The following SEMA6D variants were observed in gnomAD, a reference collection of about 807,000 sequenced individuals.
SEMA6D encodes semaphorin-6D.
A neutral mutation model predicts 106.6 loss-of-function variants in SEMA6D; 35 were observed. The ratio of observed to expected loss-of-function variants is 0.33; its 90% CI spans 0.25 to 0.44. The LOEUF is 0.44. Among genes scored for constraint, SEMA6D ranks in the 20% least tolerant of loss-of-function variants. The pLI is 1.00. For synonymous variants in SEMA6D, 499 were observed against 487.7 expected, an observed-to-expected ratio of 1.02 and a Z score of -0.31; for missense variants, 1,185 against 1,345.9, an observed-to-expected ratio of 0.88 and a Z score of 1.87.
At chr15:47,288,067 G>A (rs889924240) in intron 1 of SEMA6D, among the ~76,000 whole-genome samples, 1 of 152,196 alleles carries the variant, frequency 6.6e-6, no homozygotes, top group African/African-American at 2.4e-5. Flanking sequence ...TGAAGTCAGA[G>A]GGAGAGTTCA....
At chr15:47,512,524 C>T (rs928549925) in intron 3 of SEMA6D, among the ~76,000 whole-genome samples, 3 of 152,162 alleles carry the variant, frequency 2.0e-5, no homozygotes, top group Non-Finnish European at 1.5e-5. Context: ...GACATGTAGA[C>T]AGGCAGCATC....
At chr15:47,348,094 T>C (rs996959150) in intron 1 of SEMA6D, among the ~76,000 whole-genome samples, 4 of 152,238 alleles carry the variant, frequency 2.6e-5, no homozygotes, top group Non-Finnish European at 5.9e-5. Flanking sequence ...TCCTAAGTGA[T>C]ACACCTAACA....
chr15:47,349,405 C>G (rs474356), intron 1 of SEMA6D, among the ~76,000 whole-genome samples: 71,046 of 152,050 alleles, frequency 0.47, 19,713 homozygotes, highest in South Asian at 0.61. Flanking sequence ...GTTGGTGCAT[C>G]TGGTTAAGCC....
chr15:47,264,704 G>A (rs1821245182), intron 1 of SEMA6D, among the ~76,000 whole-genome samples: 1 of 151,950 alleles, frequency 6.6e-6, no homozygotes, highest in Admixed American at 6.6e-5. Context: ...AAAGCATCTA[G>A]TCTTTCACCA....
At position 47,658,568 on chromosome 15, in the gene SEMA6D, AACGAT is replaced by A. The variant is rs370961159; in HGVS notation, c.-55+57675_-55+57679del. Among the ~76,000 whole-genome samples the A allele has an allele frequency of 9.8e-5, 15 of 152,300 alleles. No individual in the cohort carries two copies. In the East Asian group the frequency reaches 2.1e-3, roughly 22 times the overall value. On this transcript the variant is annotated intron_variant, in intron 4 of 19. Transcript: ENST00000558014. ...TTGAATTTTAGCAACAATATTCATA[AACGAT>A]ACTGGACAAAGGTACTTGTGTCCAA...
At chr15:47,255,523 T>G (rs1448081561) in intron 1 of SEMA6D, among the ~76,000 whole-genome samples, 1 of 152,104 alleles carries the variant, frequency 6.6e-6, no homozygotes, top group African/African-American at 2.4e-5. Flanking sequence ...GACGTAACAT[T>G]AGGTTATTAG....
At chr15:47,625,898 C>T (rs1463334037) in intron 4 of SEMA6D, among the ~76,000 whole-genome samples, 1 of 152,042 alleles carries the variant, frequency 6.6e-6, no homozygotes, top group African/African-American at 2.4e-5. Context: ...CCAATACGAT[C>T]ACTTTCATAA....
chr15:47,314,231 T>G (rs1277677157), intron 1 of SEMA6D, among the ~76,000 whole-genome samples: 5 of 152,188 alleles, frequency 3.3e-5, no homozygotes, highest in Non-Finnish European at 5.9e-5. Context: ...GCTATATGTC[T>G]TCTTTGGTGA....
rs2082702228 is a variant in SEMA6D, at chr15:47,773,119, G to C, written c.*1334G>C. On this transcript the variant is annotated 3_prime_UTR_variant, in exon 19 of 19. Coordinates refer to ENST00000536845, the MANE Select transcript of SEMA6D (RefSeq NM_001358351.3). ...TGATAGAAGTACTAAAATCTGTCAA[G>C]TGTTTTCAGTATAGCACATTATTTA... is the stretch of plus-strand genomic sequence containing the variant. The C allele has an allele frequency of 6.6e-6, 1 of 152,562 alleles. No homozygotes were observed. Among genetic ancestry groups the C allele is most frequent in the Non-Finnish European group, 1.5e-5 (1 of 68,028 alleles). 9.5% of individuals were successfully genotyped at this position (152,562 alleles called of 1,614,324 possible). A position where few individuals can be genotyped will look rare whatever the true frequency, so the allele number is the denominator to read the frequency against.
intron 1 of SEMA6D, among the ~76,000 whole-genome samples, chr15:47,292,826 C>A (rs2035647387): frequency 6.6e-6 from 1 of 152,096 alleles, no homozygotes; most frequent in Non-Finnish European, 1.5e-5. Flanking sequence ...TTGTTTTGAT[C>A]ACTTTTTCAT....
chr15:47,243,364 G>A (rs972219836), intron 1 of SEMA6D, among the ~76,000 whole-genome samples: 8 of 151,344 alleles, frequency 5.3e-5, no homozygotes, highest in African/African-American at 1.5e-4. Context: ...CAGATTTTAA[G>A]AGCCCAGGAG....
Position 47,766,610 on chromosome 15 carries a change from C to T in SEMA6D, c.1647-6C>T. 1 of 1,612,124 alleles carries T rather than the reference C, an allele frequency of 6.2e-7. No homozygotes were observed. The highest frequency in any genetic ancestry group is 8.5e-7 in the Non-Finnish European group (1 of 1,178,816). ...CCGAAGACTTCTTTGCTTTCCATAA[C>T]CACAGTGCTGAAGGATATGAACAAG... On this transcript the variant is annotated splice_polypyrimidine_tract_variant and splice_region_variant and intron_variant, in intron 15 of 18. Transcript: ENST00000536845.
chr15:47,692,798 G>C (rs997036157), intron 4 of SEMA6D, among the ~76,000 whole-genome samples: 4 of 152,142 alleles, frequency 2.6e-5, no homozygotes, highest in African/African-American at 9.7e-5. Flanking sequence ...TCTCATTCTA[G>C]TATCTAGCAG....
chr15:47,342,189 C>CT (rs561107327), intron 1 of SEMA6D, among the ~76,000 whole-genome samples: 1 of 152,114 alleles, frequency 6.6e-6, no homozygotes, highest in Non-Finnish European at 1.5e-5. Context: ...CAACTAATCT[C>CT]TAACTAGTCT....
At chr15:47,689,824 A>G (rs1029632141) in intron 4 of SEMA6D, among the ~76,000 whole-genome samples, 3 of 152,198 alleles carry the variant, frequency 2.0e-5, no homozygotes, top group Non-Finnish European at 4.4e-5. Flanking sequence ...ACTGACTTCC[A>G]TGACAGTCTG....
At chr15:47,453,367 A>G (rs962282390) in intron 2 of SEMA6D, among the ~76,000 whole-genome samples, 4 of 152,048 alleles carry the variant, frequency 2.6e-5, no homozygotes, top group Non-Finnish European at 5.9e-5. Context: ...ATATGAAAAA[A>G]GTAAATCAAC....
chr15:47,551,057 G>A (rs750979970), intron 3 of SEMA6D, among the ~76,000 whole-genome samples: 17 of 152,152 alleles, frequency 1.1e-4, no homozygotes, highest in Admixed American at 2.0e-4. Flanking sequence ...GACAACTCAG[G>A]ATATCGATAA....
intron 1 of SEMA6D, among the ~76,000 whole-genome samples, chr15:47,224,151 G>C (rs1296069243): frequency 2.8e-5 from 4 of 142,062 alleles, no homozygotes; most frequent in Non-Finnish European, 3.0e-5. Context: ...AAAACTTAAA[G>C]TATAATAATA....
intron 3 of SEMA6D, among the ~76,000 whole-genome samples, chr15:47,597,974 G>C (rs1435736): frequency 0.99 from 149,674 of 151,716 alleles, 73,854 homozygotes; most frequent in South Asian, 1. Flanking sequence ...AAAGATCACT[G>C]TGTTCAGTGT....
Sources: gnomAD v4.1 joint callset for allele counts (sites outside exome capture counted in the v4.1 genomes callset) on GRCh38, gnomAD v4.1.1 for gene constraint, MANE v1.5 for transcripts, NCBI Gene and HGNC (gene_info 2026-07-23, HGNC 2026-07-21) for gene names.